The following WWOX variants were observed in gnomAD, a reference collection of about 807,000 sequenced individuals.
The protein encoded by WWOX is WW domain containing oxidoreductase.
Under a neutral mutation model 46.2 loss-of-function variants are expected in WWOX, and 69 were observed. The observed-to-expected ratio is 1.49, with a 90% CI of 1.23 to 1.82. WWOX has a LOEUF of 1.82. Ranked by LOEUF, WWOX falls within the 40% of genes most tolerant of loss-of-function variation. WWOX has a pLI of 0.00. For missense variants in WWOX, 919 were observed against 542.6 expected (o/e 1.69, Z -6.89); for synonymous variants, 359 against 202.6 (o/e 1.77, Z -6.56).
In WWOX at chr16:78,233,121, T is replaced by G. The variant is rs560152051; in HGVS notation, c.516+68832T>G. On this transcript the variant is annotated intron_variant, in intron 5 of 8. Transcript: ENST00000566780. ...ATTATTTTGGCTGAAGATGATCACT[T>G]TAGCTGAAACCAGTTCAGGTTCAAA... Among the ~76,000 whole-genome samples the G allele has an allele frequency of 9.8e-4, 150 of 152,346 alleles. 1 individual carries two copies. The highest frequency in any genetic ancestry group is 2.1e-4 in the Non-Finnish European group (14 of 68,036).
At chr16:78,709,546 A>G (rs1036859874) in intron 8 of WWOX, among the ~76,000 whole-genome samples, 1 of 152,072 alleles carries the variant, frequency 6.6e-6, no homozygotes, top group African/African-American at 2.4e-5. Flanking sequence ...TCATTAGAAC[A>G]TCTTCCTGAA....
At chr16:78,822,287 A>T (rs2051520235) in intron 8 of WWOX, among the ~76,000 whole-genome samples, 1 of 152,182 alleles carries the variant, frequency 6.6e-6, no homozygotes, top group Non-Finnish European at 1.5e-5. Flanking sequence ...TGAGGTCAGG[A>T]GTTCAAGCCC....
At chr16:78,619,599 A>G (rs192918034) in intron 8 of WWOX, among the ~76,000 whole-genome samples, 204 of 151,866 alleles carry the variant, frequency 1.3e-3, no homozygotes, top group South Asian at 3.1e-3. Flanking sequence ...TGGAGGCAAT[A>G]GTGATAGTAA....
At chr16:78,859,000 TTAAAAAAAAAAAAAAAAAA>T (rs1204226102) in intron 8 of WWOX, among the ~76,000 whole-genome samples, 6 of 79,868 alleles carry the variant, frequency 7.5e-5, no homozygotes, top group South Asian at 5.4e-4. Context: ...GTTTTGAAAT[TTAAAAAAAAAAAAAAAAAA>T]AAAAAAAAAT....
At chr16:78,604,521 T>A (rs1043371090) in intron 8 of WWOX, among the ~76,000 whole-genome samples, 5 of 152,170 alleles carry the variant, frequency 3.3e-5, no homozygotes, top group African/African-American at 1.2e-4. Context: ...TTGTAAAAAT[T>A]AGAAAAATAC....
intron 8 of WWOX, among the ~76,000 whole-genome samples, chr16:78,539,660 G>T (rs1267078489): frequency 6.6e-6 from 1 of 152,178 alleles, no homozygotes; most frequent in Admixed American, 6.5e-5. Flanking sequence ...AATTGTACTT[G>T]CAGTGGCTGC....
chr16:78,669,566 A>G (rs1315544803), intron 8 of WWOX, among the ~76,000 whole-genome samples: 1 of 152,218 alleles, frequency 6.6e-6, no homozygotes. Flanking sequence ...CAAAATGTCA[A>G]CGTGCCCAGG....
intron 8 of WWOX, among the ~76,000 whole-genome samples, chr16:78,631,846 A>G (rs1171178628): frequency 2.0e-5 from 3 of 152,190 alleles, no homozygotes; most frequent in African/African-American, 7.2e-5. Flanking sequence ...TTTCAAAGTG[A>G]TTAGAAGTAG....
chr16:79,103,959 A>G (rs2049254255), intron 8 of WWOX, among the ~76,000 whole-genome samples: 1 of 140,256 alleles, frequency 7.1e-6, no homozygotes, highest in Non-Finnish European at 1.5e-5. Context: ...GAAGTCTAGG[A>G]ATGGGGAGAT....
At chr16:78,815,067 G>A (rs2051294966) in intron 8 of WWOX, among the ~76,000 whole-genome samples, 1 of 152,240 alleles carries the variant, frequency 6.6e-6, no homozygotes, top group Non-Finnish European at 1.5e-5. Flanking sequence ...GCTCACGCCT[G>A]TAATCCCAAC....
chr16:78,390,167 A>G lies in WWOX; in HGVS notation c.605+3219A>G, dbSNP rs148717401. Among the ~76,000 whole-genome samples, 307 of 152,296 alleles carry G rather than the reference A, an allele frequency of 2.0e-3. 1 individual carries two copies. Among genetic ancestry groups the G allele is most frequent in the African/African-American group, 6.8e-3 (283 of 41,578 alleles). Reference sequence around the variant, plus strand: ...CAGTCTGCCTCTTGTTCTTTTCCTCATAGCATGTGAGATCTCACAATTCAC... The same window carrying G: ...CAGTCTGCCTCTTGTTCTTTTCCTCGTAGCATGTGAGATCTCACAATTCAC... On this transcript the variant is annotated intron_variant, in intron 6 of 8. Coordinates refer to ENST00000566780, the MANE Select transcript of WWOX (RefSeq NM_016373.4).
At position 78,268,877 on chromosome 16, in the gene WWOX, G is replaced by A. The variant is rs187078485; in HGVS notation, c.516+104588G>A. 5.3e-5 allele frequency among the ~76,000 whole-genome samples: 8 copies of A among 151,778 alleles called. No homozygotes were observed. In the East Asian group the frequency reaches 1.4e-3, roughly 26 times the overall value. ...AAAATTATAGAGCTGTCTAAAGGAG[G>A]CATTAAAAAAACCCTTTCTATTCCT... On this transcript the variant is annotated intron_variant, in intron 5 of 8. Transcript: ENST00000566780.
chr16:78,135,110 G>C (rs562406658), intron 4 of WWOX, among the ~76,000 whole-genome samples: 1 of 152,274 alleles, frequency 6.6e-6, no homozygotes, highest in Admixed American at 6.5e-5. Flanking sequence ...ATGAAGATGG[G>C]GCCTTGCTGA....
chr16:78,426,397 C>T (rs2083078677), intron 7 of WWOX, among the ~76,000 whole-genome samples: 1 of 152,176 alleles, frequency 6.6e-6, no homozygotes, highest in African/African-American at 2.4e-5. Context: ...GCTGCTCACT[C>T]TCCTTGTAAA....
At chr16:78,918,480 C>T (rs912643562) in intron 8 of WWOX, among the ~76,000 whole-genome samples, 2 of 152,002 alleles carry the variant, frequency 1.3e-5, no homozygotes, top group Non-Finnish European at 2.9e-5. Context: ...TTTCAGGACC[C>T]ACGTCTTTTG....
chr16:78,377,682 G>T (rs765628243), intron 5 of WWOX, among the ~76,000 whole-genome samples: 1 of 152,084 alleles, frequency 6.6e-6, no homozygotes, highest in Non-Finnish European at 1.5e-5. Context: ...GGAAGGTTTT[G>T]GATTATTTTC....
intron 8 of WWOX, among the ~76,000 whole-genome samples, chr16:79,032,277 T>C (rs1424873609): frequency 6.8e-6 from 1 of 146,266 alleles, no homozygotes; most frequent in Non-Finnish European, 1.5e-5. Context: ...AATATATACA[T>C]AATATATAAT....
chr16:78,142,461 G>A (rs2034021224), intron 4 of WWOX, among the ~76,000 whole-genome samples: 1 of 152,148 alleles, frequency 6.6e-6, no homozygotes, highest in East Asian at 1.9e-4. Flanking sequence ...ATACTCCCTA[G>A]TAGCTGGGTG....
chr16:79,132,906 A>T (rs1353723616), intron 8 of WWOX, among the ~76,000 whole-genome samples: 1 of 152,200 alleles, frequency 6.6e-6, no homozygotes, highest in East Asian at 1.9e-4. Context: ...TGGATGGAGC[A>T]CTGGATTAGT....
Sources: gnomAD v4.1 joint callset for allele counts (sites outside exome capture counted in the v4.1 genomes callset) on GRCh38, gnomAD v4.1.1 for gene constraint, MANE v1.5 for transcripts, NCBI Gene and HGNC (gene_info 2026-07-23, HGNC 2026-07-21) for gene names.